The following DIAPH2 variants were observed in gnomAD, a reference collection of about 807,000 sequenced individuals.
The protein encoded by DIAPH2 is protein diaphanous homolog 2.
A neutral mutation model predicts 92.7 loss-of-function variants in DIAPH2; 35 were observed. The observed-to-expected ratio is 0.38, with a 90% CI of 0.29 to 0.50. The LOEUF is 0.50. DIAPH2 is among the 20% of genes least tolerant of loss of function. DIAPH2 has a pLI of 0.94. For missense variants in DIAPH2, 701 were observed against 819.5 expected (o/e 0.86, Z 1.77); for synonymous variants, 301 against 280.4 (o/e 1.07, Z -0.73).
At chrX:96,890,867 A>G (rs1272869677) in intron 5 of DIAPH2, among the ~76,000 whole-genome samples, 1 of 111,500 alleles carries the variant, frequency 9.0e-6, no homozygotes, top group African/African-American at 3.3e-5. Context: ...ATCTCAGATC[A>G]CTCTGTTACT....
chrX:97,222,797 A>G (rs940950848), intron 22 of DIAPH2, among the ~76,000 whole-genome samples: 11 of 111,328 alleles, frequency 9.9e-5, no homozygotes, highest in African/African-American at 2.9e-4. Flanking sequence ...TCTGGAGATT[A>G]TAGTTTGGTT....
In DIAPH2 at chrX:97,129,508, A is replaced by G. The variant is rs748733452; in HGVS notation, c.2590-12157A>G. 7.2e-5 allele frequency among the ~76,000 whole-genome samples: 8 copies of G among 111,201 alleles called. No homozygotes were observed. In the South Asian group the frequency reaches 2.3e-3, roughly 32 times the overall value. ...ATACTTATGATTAAATTAAACCACA[A>G]TGATGGATTTCATATTTGGAATATA... On this transcript the variant is annotated intron_variant, in intron 21 of 26. Transcript: ENST00000324765.
At chrX:97,185,255 G>A (rs1470809895) in intron 22 of DIAPH2, among the ~76,000 whole-genome samples, 3 of 81,192 alleles carry the variant, frequency 3.7e-5, no homozygotes, top group Non-Finnish European at 6.9e-5. Context: ...AGCCAAAATT[G>A]CACCACTGCA....
At position 97,054,318 on chromosome X, in the gene DIAPH2, A is replaced by G. The variant is rs749517761; in HGVS notation, c.2051-18623A>G. Among the ~76,000 whole-genome samples the G allele has an allele frequency of 1.6e-3, 176 of 111,973 alleles. 1 individual carries two copies. The highest frequency in any genetic ancestry group is 2.1e-3 in the Non-Finnish European group (112 of 53,116). On this transcript the variant is annotated intron_variant, in intron 17 of 26. Coordinates refer to ENST00000324765, the MANE Select transcript of DIAPH2 (RefSeq NM_006729.5). ...ATAAGCTTTATTTTCATTGTCTACTATGTGTCAAATTGGTACTACTTTCTA... is the reference window on the plus strand; with the variant it reads ...ATAAGCTTTATTTTCATTGTCTACTGTGTGTCAAATTGGTACTACTTTCTA...
At chrX:97,293,409 G>T (rs1249918119) in intron 23 of DIAPH2, among the ~76,000 whole-genome samples, 1 of 108,929 alleles carries the variant, frequency 9.2e-6, no homozygotes, top group African/African-American at 3.3e-5. Context: ...TGCACCACCA[G>T]GCCCAGCTAA....
At chrX:97,323,777 C>T (rs2068925333) in intron 23 of DIAPH2, among the ~76,000 whole-genome samples, 1 of 105,674 alleles carries the variant, frequency 9.5e-6, no homozygotes, top group African/African-American at 3.5e-5. Context: ...GTGGCGCATG[C>T]CTGTAATCCC....
At chrX:97,460,547 A>AATCT (rs1461491834) in intron 26 of DIAPH2, among the ~76,000 whole-genome samples, 1 of 112,311 alleles carries the variant, frequency 8.9e-6, no homozygotes, top group Non-Finnish European at 1.9e-5. Context: ...GCAGATGATT[A>AATCT]AACTCCTGGG....
intron 17 of DIAPH2, among the ~76,000 whole-genome samples, chrX:97,045,414 G>A (rs2066474858): frequency 1.8e-5 from 2 of 111,751 alleles, no homozygotes; most frequent in Non-Finnish European, 3.8e-5. Flanking sequence ...GTTATAGCTA[G>A]AGGTATCAAT....
intron 25 of DIAPH2, among the ~76,000 whole-genome samples, chrX:97,401,931 T>C (rs1156513795): frequency 8.9e-6 from 1 of 112,583 alleles, no homozygotes; most frequent in Non-Finnish European, 1.9e-5. Context: ...AGTTAAATAT[T>C]AGAACTGAGT....
Position 96,735,767 on chromosome X carries a change from A to G in DIAPH2, c.142A>G (p.Ile48Val). ...TTTTTGGTTTTAATAGAACATTCAA[A>G]TAAAAACTTTGGCAGATGATGTGGT... ...TKNKPKLNIQ[I>V]KTLADDVRDR... The change falls in exon 2 of 27, where the codon ATA (isoleucine) becomes GTA (valine). Residue 48 changes from isoleucine (I) to valine (V), a missense_variant. By Grantham distance (29) the Ile-to-Val change is conservative. Around this residue, in one of 3 missense-constraint regions of DIAPH2, gnomAD observed 131 missense variants for 145.6 expected, o/e 0.90. Coordinates refer to ENST00000324765, the MANE Select transcript of DIAPH2 (RefSeq NM_006729.5). 1 of 1,110,398 alleles carries G rather than the reference A, an allele frequency of 9.0e-7. No homozygotes were observed. The highest frequency in any genetic ancestry group is 2.1e-5 in the South Asian group (1 of 48,018). 91.5% of individuals were successfully genotyped at this position (1,110,398 alleles called of 1,213,427 possible). A position where few individuals can be genotyped will look rare whatever the true frequency, so the allele number is the denominator to read the frequency against.
At chrX:97,044,294 T>A (rs1022606345) in intron 17 of DIAPH2, among the ~76,000 whole-genome samples, 1 of 111,444 alleles carries the variant, frequency 9.0e-6, no homozygotes, top group African/African-American at 3.3e-5. Context: ...TATTGTAAAC[T>A]ATCAGGTATC....
At chrX:96,916,336 G>A in intron 7 of DIAPH2, 102 bp from the exon 8 acceptor site, 1 of 733,993 alleles carries the variant, frequency 1.4e-6, no homozygotes, top group Non-Finnish European at 1.9e-6. Flanking sequence ...GAACCTCATT[G>A]TGGGGGTATG....
intron 21 of DIAPH2, among the ~76,000 whole-genome samples, chrX:97,140,331 C>G (rs1318294242): frequency 8.9e-6 from 1 of 111,748 alleles, no homozygotes; most frequent in African/African-American, 3.2e-5. Flanking sequence ...TCTACAGCTG[C>G]TATCCTTACT....
At chrX:96,977,512 T>A (rs938625885) in intron 17 of DIAPH2, among the ~76,000 whole-genome samples, 17 of 111,474 alleles carry the variant, frequency 1.5e-4, no homozygotes, top group African/African-American at 5.5e-4. Flanking sequence ...CCTTGTGTTA[T>A]TTTAATATGA....
chrX:96,822,757 C>T (rs2064786959), intron 4 of DIAPH2, among the ~76,000 whole-genome samples: 2 of 111,788 alleles, frequency 1.8e-5, no homozygotes, highest in African/African-American at 6.5e-5. Context: ...AAATGAAGAA[C>T]TTTTATAAAT....
chrX:96,924,507 T>C (rs768671793), intron 9 of DIAPH2, among the ~76,000 whole-genome samples: 1 of 111,628 alleles, frequency 9.0e-6, no homozygotes, highest in East Asian at 2.8e-4. Context: ...AGTCATTATA[T>C]TAGCTTCCTC....
intron 17 of DIAPH2, among the ~76,000 whole-genome samples, chrX:96,977,036 A>T (rs1339605676): frequency 9.0e-6 from 1 of 111,299 alleles, no homozygotes; most frequent in Non-Finnish European, 1.9e-5. Flanking sequence ...TTTGTTCTTA[A>T]TCTTAATCAC....
At chrX:97,385,688 C>A (rs2069593195) in intron 25 of DIAPH2, among the ~76,000 whole-genome samples, 1 of 111,639 alleles carries the variant, frequency 9.0e-6, no homozygotes, top group Non-Finnish European at 1.9e-5. Flanking sequence ...GAATCCAAGT[C>A]GTCTCACTAT....
At chrX:96,961,050 A>C (rs2065843951) in intron 16 of DIAPH2, among the ~76,000 whole-genome samples, 4 of 110,859 alleles carry the variant, frequency 3.6e-5, no homozygotes, top group Non-Finnish European at 5.7e-5. Flanking sequence ...ATATTCTTTA[A>C]TTGTTGTGTC....
Sources: gnomAD v4.1 joint callset for allele counts (sites outside exome capture counted in the v4.1 genomes callset) on GRCh38, gnomAD v4.1.1 for gene constraint, gnomAD v4.1.1 regional missense constraint, MANE v1.5 for transcripts, NCBI Gene and HGNC (gene_info 2026-07-23, HGNC 2026-07-21) for gene names.